DENND1A: variants seen among roughly 807,000 people sequenced by gnomAD.
The protein encoded by DENND1A is DENN domain-containing protein 1A.
Under a neutral mutation model 113.7 loss-of-function variants are expected in DENND1A, and 51 were observed. The observed-to-expected ratio is 0.45, with a 90% CI of 0.36 to 0.57. The LOEUF is 0.57. Ranked by LOEUF, DENND1A falls within the 20% of genes least tolerant of loss-of-function variation. DENND1A has a pLI of 0.00. For synonymous variants in DENND1A, 565 were observed against 570.8 expected (o/e 0.99, Z 0.14); for missense variants, 1,258 against 1,395.9 (o/e 0.90, Z 1.57).
At chr9:123,842,855 A>T (rs1842027447) in intron 2 of DENND1A, among the ~76,000 whole-genome samples, 1 of 152,208 alleles carries the variant, frequency 6.6e-6, no homozygotes, top group African/African-American at 2.4e-5. Flanking sequence ...TAATACTAGC[A>T]AACCAAATCC....
intron 19 of DENND1A, among the ~76,000 whole-genome samples, chr9:123,432,105 G>A (rs1338231927): frequency 2.0e-5 from 3 of 152,186 alleles, no homozygotes; most frequent in Non-Finnish European, 2.9e-5. Flanking sequence ...TCTCTATAAC[G>A]AGAGGAATAC....
intron 9 of DENND1A, among the ~76,000 whole-genome samples, chr9:123,650,370 T>C (rs1158217385): frequency 6.6e-6 from 1 of 152,230 alleles, no homozygotes; most frequent in African/African-American, 2.4e-5. Flanking sequence ...CAGAGAGTTT[T>C]CATTATTAGG....
chr9:123,693,226 CCTCA>C (rs2065286155), intron 5 of DENND1A, among the ~76,000 whole-genome samples: 1 of 152,180 alleles, frequency 6.6e-6, no homozygotes, highest in Non-Finnish European at 1.5e-5. Context: ...ACAGAATCTC[CCTCA>C]CTGTCTATTT....
intron 16 of DENND1A, among the ~76,000 whole-genome samples, chr9:123,453,776 C>G (rs1394935363): frequency 5.3e-5 from 8 of 152,154 alleles, no homozygotes; most frequent in Admixed American, 3.9e-4. Flanking sequence ...ACAATTTGAC[C>G]TAGAAAGCAT....
intron 5 of DENND1A, among the ~76,000 whole-genome samples, chr9:123,684,426 G>T (rs1360282372): frequency 1.3e-5 from 2 of 152,136 alleles, no homozygotes; most frequent in Admixed American, 1.3e-4. Flanking sequence ...AACTCGAGGT[G>T]AGAAGGAGGA....
At chr9:123,620,349 T>C (rs1024308046) in intron 10 of DENND1A, among the ~76,000 whole-genome samples, 1 of 152,030 alleles carries the variant, frequency 6.6e-6, no homozygotes, top group Admixed American at 6.6e-5. Flanking sequence ...CATCTCAGTG[T>C]AGGGCTCAGT....
intron 13 of DENND1A, among the ~76,000 whole-genome samples, chr9:123,546,976 C>A (rs2056741882): frequency 6.6e-6 from 1 of 152,162 alleles, no homozygotes. Flanking sequence ...CCTGCTAGTT[C>A]CCATCTTCTC....
intron 12 of DENND1A, among the ~76,000 whole-genome samples, chr9:123,561,858 A>G (rs953056598): frequency 6.6e-6 from 1 of 151,918 alleles, no homozygotes; most frequent in Admixed American, 6.6e-5. Context: ...CAGATTCCCT[A>G]CTTCTCCCTC....
intron 10 of DENND1A, 64 bp downstream of exon 10, chr9:123,630,312 A>G: frequency 1.8e-6 from 2 of 1,133,538 alleles, no homozygotes; most frequent in Non-Finnish European, 2.4e-6. Flanking sequence ...AACAAGTGAC[A>G]CACCTAACAC....
At chr9:123,457,324 G>A (rs1588627159) in intron 15 of DENND1A, 24 bp downstream of exon 15, 1 of 1,590,500 alleles carries the variant, frequency 6.3e-7, no homozygotes, top group South Asian at 1.1e-5. Context: ...TGCAGCCCCG[G>A]AAGGAAAATG....
At chr9:123,453,427 C>T (rs1019649126) in intron 16 of DENND1A, among the ~76,000 whole-genome samples, 4 of 152,114 alleles carry the variant, frequency 2.6e-5, no homozygotes, top group African/African-American at 9.7e-5. Context: ...AAAGCCATGG[C>T]GTATGCTGTA....
At chr9:123,916,315 G>A (rs1339447935) in intron 1 of DENND1A, among the ~76,000 whole-genome samples, 1 of 151,274 alleles carries the variant, frequency 6.6e-6, no homozygotes, top group Admixed American at 6.6e-5. Context: ...TACATGGAAT[G>A]CTATCACTTA....
At chr9:123,925,606 T>TA (rs2134214839) in intron 1 of DENND1A, among the ~76,000 whole-genome samples, 1 of 152,348 alleles carries the variant, frequency 6.6e-6, no homozygotes, top group South Asian at 2.1e-4. Context: ...CCCCAGTACT[T>TA]AGCACACTGC....
intron 4 of DENND1A, among the ~76,000 whole-genome samples, chr9:123,758,450 T>G (rs575064232): frequency 2.0e-5 from 3 of 152,160 alleles, no homozygotes; most frequent in African/African-American, 7.2e-5. Context: ...CCAGAATACA[T>G]CCTTAGTAAC....
chr9:123,710,677 T>TG (rs2066521593), intron 5 of DENND1A, among the ~76,000 whole-genome samples: 1 of 151,184 alleles, frequency 6.6e-6, no homozygotes, highest in Non-Finnish European at 1.5e-5. Flanking sequence ...TTGGAGGTTT[T>TG]TTTTTTTTTT....
intron 13 of DENND1A, among the ~76,000 whole-genome samples, chr9:123,503,153 T>G (rs146304065): frequency 2.8e-4 from 43 of 152,324 alleles, no homozygotes; most frequent in African/African-American, 9.6e-4. Context: ...CGGCATGCTA[T>G]CTACAGAAGC....
intron 14 of DENND1A, 24 bp downstream of exon 14, chr9:123,457,769 A>G (rs1245925285): frequency 6.3e-7 from 1 of 1,585,098 alleles, no homozygotes; most frequent in Non-Finnish European, 8.6e-7. Context: ...AGCCAGACCC[A>G]GGCCAGACCA....
chr9:123,513,418 T>A (rs902770206), intron 13 of DENND1A, among the ~76,000 whole-genome samples: 1 of 152,190 alleles, frequency 6.6e-6, no homozygotes, highest in African/African-American at 2.4e-5. Flanking sequence ...AGAGGACAGG[T>A]GAGATCCTAC....
At chr9:123,578,236 C>T (rs1271662905) in intron 12 of DENND1A, among the ~76,000 whole-genome samples, 1 of 152,206 alleles carries the variant, frequency 6.6e-6, no homozygotes, top group Non-Finnish European at 1.5e-5. Context: ...CCTTCTAGTA[C>T]CAATATCCAG....
Sources: gnomAD v4.1 joint callset for allele counts (sites outside exome capture counted in the v4.1 genomes callset) on GRCh38, gnomAD v4.1.1 for gene constraint, MANE v1.5 for transcripts, NCBI Gene and HGNC (gene_info 2026-07-23, HGNC 2026-07-21) for gene names.